Variants in LMO7 observed in about 807,000 individuals in gnomAD.
LMO7 encodes LIM domain only protein 7.
Under a neutral mutation model 206.5 loss-of-function variants are expected in LMO7, and 120 were observed. The ratio of observed to expected loss-of-function variants is 0.58; its 90% CI spans 0.50 to 0.68. The LOEUF (loss-of-function observed/expected upper bound fraction) is 0.68, where lower values mean the gene tolerates loss of function less well. Among genes scored for constraint, LMO7 ranks in the 30% least tolerant of loss-of-function variants. The pLI, the probability that LMO7 is intolerant of heterozygous loss-of-function variation, is 0.00. For synonymous variants in LMO7, 706 were observed against 681.5 expected (o/e 1.04, Z -0.56); for missense variants, 1,959 against 1,957.9 (o/e 1.00, Z -0.01).
chr13:75,841,244 T>C (rs780251165), intron 23 of LMO7, 43 bp downstream of exon 23: 12 of 1,282,178 alleles, frequency 9.4e-6, no homozygotes, highest in Non-Finnish European at 1.2e-5. Flanking sequence ...TCTCTTTACC[T>C]TGTTGGTGAG....
intron 3 of LMO7, among the ~76,000 whole-genome samples, chr13:75,748,036 CAG>C (rs1013590021): frequency 4.8e-4 from 73 of 152,232 alleles, no homozygotes; most frequent in African/African-American, 1.7e-3. Context: ...TGTTACTTGG[CAG>C]ATTACATGAG....
chr13:75,776,309 C>T (rs9593125), intron 4 of LMO7, among the ~76,000 whole-genome samples: 1,520 of 149,594 alleles, frequency 0.01, 24 homozygotes, highest in East Asian at 0.069. Flanking sequence ...GGACTTATCT[C>T]GATCAACATT....
At chr13:75,747,629 A>G (rs1258097469) in intron 3 of LMO7, among the ~76,000 whole-genome samples, 1 of 152,180 alleles carries the variant, frequency 6.6e-6, no homozygotes, top group East Asian at 1.9e-4. Context: ...TGAGATACAG[A>G]TGCTTCATTC....
chr13:75,654,726 C>T (rs1427015637), intron 1 of LMO7, among the ~76,000 whole-genome samples: 1 of 152,192 alleles, frequency 6.6e-6, no homozygotes, highest in African/African-American at 2.4e-5. Flanking sequence ...ATATTCAAGT[C>T]TCATTACCTA....
chr13:75,836,380 A>G lies in LMO7; in HGVS notation c.3334-17A>G, dbSNP rs1324521980. ...CCAACTGGAGAGAATATTAACTAGC[A>G]TTTTTACCCTTTCCAGAATATTGAA... On this transcript the variant is annotated splice_polypyrimidine_tract_variant and intron_variant, in intron 18 of 30. Coordinates refer to ENST00000377534, the MANE Select transcript of LMO7 (RefSeq NM_001306080.2). 1.4e-6 allele frequency: 2 copies of G among 1,453,368 alleles called. No homozygotes were observed. 90.0% of individuals were successfully genotyped at this position (1,453,368 alleles called of 1,614,324 possible). A position where few individuals can be genotyped will look rare whatever the true frequency, so the allele number is the denominator to read the frequency against.
intron 1 of LMO7, among the ~76,000 whole-genome samples, chr13:75,702,173 G>A (rs200928879): frequency 1.6e-5 from 2 of 123,520 alleles, no homozygotes; most frequent in Non-Finnish European, 3.5e-5. Context: ...AGAATTTTGA[G>A]TGTTTATAAA....
At chr13:75,809,335 T>C (rs1052869328) in intron 11 of LMO7, 152 bp downstream of exon 11, 34 of 645,092 alleles carry the variant, frequency 5.3e-5, no homozygotes, top group Middle Eastern at 2.5e-4. Flanking sequence ...TGCAACCTAA[T>C]GGTAATATTT....
At chr13:75,691,905 G>C (rs10220197) in intron 1 of LMO7, among the ~76,000 whole-genome samples, 1 of 151,876 alleles carries the variant, frequency 6.6e-6, no homozygotes, top group African/African-American at 2.4e-5. Flanking sequence ...AGACCTGGAG[G>C]GCCTGCTGAG....
chr13:75,683,599 G>T (rs1383178473), intron 1 of LMO7, among the ~76,000 whole-genome samples: 1 of 152,190 alleles, frequency 6.6e-6, no homozygotes, highest in East Asian at 1.9e-4. Flanking sequence ...GCAATATGAA[G>T]TGTGAACCCA....
intron 1 of LMO7, among the ~76,000 whole-genome samples, chr13:75,663,427 TCTTTC>T (rs1392123276): frequency 0.013 from 1,355 of 100,478 alleles, 23 homozygotes; most frequent in African/African-American, 0.043. Flanking sequence ...TTTCTTTCTT[TCTTTC>T]TTTTTTTTTT....
rs778061217 is a variant in LMO7, at chr13:75,807,844, C to T, written c.1561C>T (p.Arg521Ter). 19 of 1,613,772 alleles carry T rather than the reference C, an allele frequency of 1.2e-5. No individual in the cohort carries two copies. The highest frequency in any genetic ancestry group is 9.3e-5 in the African/African-American group (7 of 74,882). ...DLEKDDMIVRRIPAQKKEVPL... is the reference protein window; with the variant it reads ...DLEKDDMIVR ...GGAAAAAGATGATATGATTGTTCGC[C>T]GAATTCCAGCACAGAAGAAAGAAGT... The change falls in exon 10 of 31, where the codon CGA becomes TGA. Residue 521 changes from arginine to a stop codon, truncating the protein, a stop_gained. Transcript: ENST00000377534. LOFTEE classifies it high-confidence loss of function.
At chr13:75,848,213 C>A (rs1167367195) in intron 26 of LMO7, among the ~76,000 whole-genome samples, 1 of 152,132 alleles carries the variant, frequency 6.6e-6, no homozygotes, top group Non-Finnish European at 1.5e-5. Context: ...TCCCTCACCC[C>A]CTTCCCACCC....
chr13:75,772,015 C>A (rs2049817881), intron 4 of LMO7, among the ~76,000 whole-genome samples: 1 of 152,036 alleles, frequency 6.6e-6, no homozygotes, highest in South Asian at 2.1e-4. Context: ...TGAAACTCTT[C>A]TCTGGTTGCA....
chr13:75,718,318 C>T (rs1216237971), intron 2 of LMO7, among the ~76,000 whole-genome samples: 1 of 152,084 alleles, frequency 6.6e-6, no homozygotes, highest in Non-Finnish European at 1.5e-5. Context: ...ATATTGTGGC[C>T]TTAAAGTTGA....
chr13:75,636,755 G>C (rs761493141), intron 1 of LMO7, 29 bp downstream of exon 1: 130 of 1,589,262 alleles, frequency 8.2e-5, no homozygotes, highest in Non-Finnish European at 1.0e-4. Flanking sequence ...TTTCCCTTCC[G>C]CAGGTGTTGA....
At chr13:75,659,417 G>A (rs1296124341) in intron 1 of LMO7, among the ~76,000 whole-genome samples, 1 of 152,156 alleles carries the variant, frequency 6.6e-6, no homozygotes, top group African/African-American at 2.4e-5. Context: ...CCGAGACTGG[G>A]AAGAAAAAGA....
intron 1 of LMO7, among the ~76,000 whole-genome samples, chr13:75,697,339 A>G (rs573652650): frequency 6.6e-6 from 1 of 152,344 alleles, no homozygotes; most frequent in East Asian, 1.9e-4. Context: ...ACTCAGTTCT[A>G]CATGGCTGGG....
chr13:75,643,139 C>CT (rs1391418717), intron 1 of LMO7, among the ~76,000 whole-genome samples: 3 of 152,196 alleles, frequency 2.0e-5, no homozygotes, highest in Non-Finnish European at 4.4e-5. Flanking sequence ...TGGTTCTTGT[C>CT]TTTCGGTGCA....
chr13:75,813,898 T>C (rs1388855162), intron 11 of LMO7, among the ~76,000 whole-genome samples: 2 of 152,240 alleles, frequency 1.3e-5, no homozygotes, highest in Non-Finnish European at 2.9e-5. Context: ...TGTAATCTCA[T>C]GTGTTGAGTG....
Sources: gnomAD v4.1 joint callset for allele counts (sites outside exome capture counted in the v4.1 genomes callset) on GRCh38, gnomAD v4.1.1 for gene constraint, MANE v1.5 for transcripts, NCBI Gene and HGNC (gene_info 2026-07-23, HGNC 2026-07-21) for gene names.